The following SPOCK1 variants were observed in gnomAD, a reference collection of about 807,000 sequenced individuals.
The protein encoded by SPOCK1 is SPARC (osteonectin), cwcv and kazal like domains proteoglycan 1, also known as testican-1.
A neutral mutation model predicts 55.3 loss-of-function variants in SPOCK1; 23 were observed. The observed-to-expected ratio is 0.42, with a 90% confidence interval of 0.30 to 0.59. The LOEUF is 0.59. Among genes scored for constraint, SPOCK1 ranks in the 20% least tolerant of loss-of-function variants. SPOCK1 has a pLI of 0.22. For missense variants in SPOCK1, 499 were observed against 552.5 expected (o/e 0.90, Z 0.97); for synonymous variants, 226 against 221.0 (o/e 1.02, Z -0.20).
intron 2 of SPOCK1, among the ~76,000 whole-genome samples, chr5:137,312,727 G>C (rs940108219): frequency 9.2e-5 from 14 of 152,274 alleles, no homozygotes; most frequent in Middle Eastern, 3.4e-3. Context: ...CAGTGGACAG[G>C]AAAGCACCCA....
intron 4 of SPOCK1, among the ~76,000 whole-genome samples, 157 bp from the exon 5 acceptor site, chr5:137,112,718 T>C (rs1753499537): frequency 6.6e-6 from 1 of 151,988 alleles, no homozygotes; most frequent in Non-Finnish European, 1.5e-5. Context: ...TTGCTCCAAC[T>C]CATTGATAGG....
intron 3 of SPOCK1, among the ~76,000 whole-genome samples, chr5:137,149,101 A>T (rs1754260919): frequency 6.6e-6 from 1 of 152,236 alleles, no homozygotes; most frequent in South Asian, 2.1e-4. Context: ...TTTTAAAGGC[A>T]ATGCTGCTGT....
At position 137,381,495 on chromosome 5, in the gene SPOCK1, C is replaced by A. The variant is rs1032171895; in HGVS notation, c.187-114440G>T. ...GCACACTTCTGCCTAAACATCCAGG[C>A]AAGTCCATACATCCTCTGAAATCTA... is the stretch of plus-strand genomic sequence containing the variant. On this transcript the variant is annotated intron_variant, in intron 2 of 10. Coordinates refer to ENST00000394945, the MANE Select transcript of SPOCK1 (RefSeq NM_004598.4). Among the ~76,000 whole-genome samples, 8 of 152,346 alleles carry A rather than the reference C, an allele frequency of 5.3e-5. No individual in the cohort carries two copies. In the East Asian group the frequency reaches 1.5e-3, roughly 29 times the overall value.
chr5:137,150,551 C>A (rs1580777596), intron 3 of SPOCK1, among the ~76,000 whole-genome samples: 1 of 151,828 alleles, frequency 6.6e-6, no homozygotes, highest in Non-Finnish European at 1.5e-5. Flanking sequence ...TGGTAAGAGG[C>A]TAGAAAAAAA....
intron 2 of SPOCK1, among the ~76,000 whole-genome samples, chr5:137,399,493 C>T (rs1209309679): frequency 6.6e-6 from 1 of 151,888 alleles, no homozygotes; most frequent in African/African-American, 2.4e-5. Context: ...ACTCATGAAA[C>T]TATCACCACA....
intron 3 of SPOCK1, among the ~76,000 whole-genome samples, chr5:137,165,949 T>C (rs1024210185): frequency 2.6e-5 from 4 of 152,118 alleles, no homozygotes; most frequent in African/African-American, 9.7e-5. Flanking sequence ...ATCTAAGAGT[T>C]ATTGGCCTTA....
At chr5:137,433,660 CA>C (rs890389271) in intron 2 of SPOCK1, among the ~76,000 whole-genome samples, 1 of 152,144 alleles carries the variant, frequency 6.6e-6, no homozygotes, top group Non-Finnish European at 1.5e-5. Flanking sequence ...TGATGGACAC[CA>C]CAGGCCAGTC....
rs17171058 is a variant in SPOCK1 at position 137,182,526 on chromosome 5, C to A, written c.233-41832G>T. Among the ~76,000 whole-genome samples the A allele has an allele frequency of 7.6e-3, 1,155 of 152,304 alleles. 53 individuals are homozygous for A. Among genetic ancestry groups the A allele is most frequent in the Admixed American group, 0.066 (1,016 of 15,304 alleles). On this transcript the variant is annotated intron_variant, in intron 3 of 10. Transcript: ENST00000394945. ...CAATGAGGGAGACCAGAGAGCTTAA[C>A]TGGCTGGAGTTCACATAGAGACAGC... is the stretch of plus-strand genomic sequence containing the variant.
chr5:137,121,009 A>G (rs1244343416), intron 4 of SPOCK1, among the ~76,000 whole-genome samples: 1 of 152,180 alleles, frequency 6.6e-6, no homozygotes. Flanking sequence ...CCACCTTAAT[A>G]TTTTGAGGGC....
At chr5:137,209,835 A>G (rs975037162) in intron 3 of SPOCK1, among the ~76,000 whole-genome samples, 9 of 152,244 alleles carry the variant, frequency 5.9e-5, no homozygotes, top group African/African-American at 2.2e-4. Context: ...ATATAAAACC[A>G]CAGGAAGTGC....
chr5:137,092,737 G>C (rs1451972773), intron 5 of SPOCK1, among the ~76,000 whole-genome samples: 2 of 152,198 alleles, frequency 1.3e-5, no homozygotes, highest in Non-Finnish European at 2.9e-5. Flanking sequence ...GGATGGATGA[G>C]CACAGTGCCT....
intron 2 of SPOCK1, among the ~76,000 whole-genome samples, chr5:137,435,844 GT>G (rs1475685222): frequency 6.6e-6 from 1 of 151,494 alleles, no homozygotes; most frequent in Admixed American, 6.6e-5. Flanking sequence ...TCTTGGGGGA[GT>G]TTTTTTACTT....
chr5:137,106,962 C>G (rs1468294), intron 5 of SPOCK1, among the ~76,000 whole-genome samples: 1 of 151,964 alleles, frequency 6.6e-6, no homozygotes, highest in South Asian at 2.1e-4. Context: ...ACCCCCTCCT[C>G]CCTGACTGAA....
At chr5:137,356,875 A>AGT (rs1554077355) in intron 2 of SPOCK1, among the ~76,000 whole-genome samples, 9 of 127,684 alleles carry the variant, frequency 7.0e-5, no homozygotes, top group African/African-American at 2.7e-4. Flanking sequence ...AGAGAGAGAG[A>AGT]GTATGCAGAC....
chr5:137,007,259 A>G (rs1460640909), intron 6 of SPOCK1, among the ~76,000 whole-genome samples: 1 of 152,230 alleles, frequency 6.6e-6, no homozygotes, highest in East Asian at 1.9e-4. Flanking sequence ...AAACACCAAA[A>G]GCAATTGCAA....
rs1323141950 is a variant in SPOCK1 at position 137,246,262 on chromosome 5, T to A, written c.232+20748A>T. 2.0e-5 allele frequency among the ~76,000 whole-genome samples: 3 copies of A among 152,244 alleles called. No individual in the cohort carries two copies. The East Asian group carries it at 5.8e-4, about 29-fold the overall frequency. On this transcript the variant is annotated intron_variant, in intron 3 of 10. Transcript: ENST00000394945. Reference sequence around the variant, plus strand: ...TTACCTCTGAGATTCAGTTCCATCATCTGTAAAGCTGGGGTAATAGTAACC... The same window carrying A: ...TTACCTCTGAGATTCAGTTCCATCAACTGTAAAGCTGGGGTAATAGTAACC...
chr5:137,302,328 GGGAGGCCAA>G (rs1757608554), intron 2 of SPOCK1, among the ~76,000 whole-genome samples: 1 of 151,972 alleles, frequency 6.6e-6, no homozygotes, highest in African/African-American at 2.4e-5. Context: ...CCAGCACTTT[GGGAGGCCAA>G]GGCGGGCAGA....
chr5:137,316,797 C>T (rs1406749913), intron 2 of SPOCK1, among the ~76,000 whole-genome samples: 1 of 152,194 alleles, frequency 6.6e-6, no homozygotes, highest in African/African-American at 2.4e-5. Flanking sequence ...ATCAATTAGC[C>T]TAACTCACAA....
chr5:137,474,371 C>T (rs1753795846), intron 2 of SPOCK1, among the ~76,000 whole-genome samples: 1 of 152,094 alleles, frequency 6.6e-6, no homozygotes, highest in South Asian at 2.1e-4. Context: ...AGGTTTCTCA[C>T]TGTGCGAAAA....
Sources: allele counts gnomAD v4.1 joint callset (sites outside exome capture counted in the v4.1 genomes callset), GRCh38; gene constraint gnomAD v4.1.1; transcripts MANE v1.5; gene names NCBI Gene and HGNC (gene_info 2026-07-23, HGNC 2026-07-21).